Variants in SYN3 observed in about 807,000 individuals in gnomAD.
The protein encoded by SYN3 is synapsin III.
Under a neutral mutation model 65.8 loss-of-function variants are expected in SYN3, and 35 were observed. That is an observed-to-expected ratio of 0.53 (90% confidence interval 0.41 to 0.70). The LOEUF (loss-of-function observed/expected upper bound fraction) is 0.70, where lower values mean the gene tolerates loss of function less well. Among genes scored for constraint, SYN3 ranks in the 30% least tolerant of loss-of-function variants. The pLI, the probability that SYN3 is intolerant of heterozygous loss-of-function variation, is 0.00. For synonymous variants in SYN3, 270 were observed against 292.9 expected (o/e 0.92, Z 0.80); for missense variants, 680 against 749.0 (o/e 0.91, Z 1.08).
intron 7 of SYN3, among the ~76,000 whole-genome samples, chr22:32,569,553 CTCTCTCTCTCTCTCTCTCTA>C (rs59783662): frequency 0.18 from 14,917 of 84,566 alleles, 897 homozygotes; most frequent in East Asian, 0.49. Context: ...CTCTCTCTCT[CTCTCTCTCTCTCTCTCTCTA>C]TATATATATA....
At chr22:32,908,385 C>CTT (rs10719402) in intron 4 of SYN3, among the ~76,000 whole-genome samples, 9 of 116,616 alleles carry the variant, frequency 7.7e-5, no homozygotes, top group East Asian at 5.3e-4. Flanking sequence ...CACGCCTAGC[C>CTT]TTTTTTTTTT....
intron 6 of SYN3, among the ~76,000 whole-genome samples, chr22:32,735,258 A>G (rs1211525440): frequency 1.3e-5 from 2 of 152,156 alleles, no homozygotes; most frequent in Non-Finnish European, 2.9e-5. Flanking sequence ...TAAATAACTC[A>G]TCTTCTCTGT....
intron 6 of SYN3, chr22:32,858,275 T>A (rs966434025): frequency 3.2e-6 from 4 of 1,248,226 alleles, no homozygotes; most frequent in African/African-American, 3.0e-5. Context: ...GAGGGGCAGG[T>A]CTGAGCAGAT....
Position 33,045,459 on chromosome 22 carries a change from CTTT to C in SYN3, c.-163+12830_-163+12832del, listed in dbSNP as rs745442160. Among the ~76,000 whole-genome samples the C allele has an allele frequency of 1.7e-4, 14 of 84,718 alleles. No homozygotes were observed. The South Asian group carries it at 4.8e-3, about 29-fold the overall frequency. 55.6% of individuals were successfully genotyped at this position (84,718 alleles called of 152,430 possible). A position where few individuals can be genotyped will look rare whatever the true frequency, so the allele number is the denominator to read the frequency against. ...TTCATCAACCAGGTGGCTCTACTTT[CTTT>C]TTTTTTTTTTTTTTTTTTTTTTTGA... On this transcript the variant is annotated intron_variant, in intron 1 of 13. Coordinates refer to ENST00000358763, the MANE Select transcript of SYN3 (RefSeq NM_003490.4).
chr22:32,904,732 G>A (rs5998652), intron 4 of SYN3, among the ~76,000 whole-genome samples: 200 of 152,254 alleles, frequency 1.3e-3, no homozygotes, highest in African/African-American at 4.6e-3. Flanking sequence ...TCCACTCCAC[G>A]CAACACTTGG....
intron 6 of SYN3, among the ~76,000 whole-genome samples, chr22:32,680,190 C>G (rs2060504932): frequency 6.6e-6 from 1 of 152,116 alleles, no homozygotes; most frequent in South Asian, 2.1e-4. Context: ...TTGGATAAAT[C>G]TCTCATTCTA....
intron 3 of SYN3, among the ~76,000 whole-genome samples, chr22:32,965,596 AAG>A (rs1221239743): frequency 1.4e-5 from 2 of 146,134 alleles, no homozygotes; most frequent in Admixed American, 6.8e-5. Context: ...GTGTGTGCGT[AAG>A]AGAGAGAGAG....
intron 6 of SYN3, among the ~76,000 whole-genome samples, chr22:32,719,039 C>T (rs567621820): frequency 7.2e-5 from 11 of 152,214 alleles, no homozygotes; most frequent in Non-Finnish European, 1.6e-4. Flanking sequence ...TCAGCCTCAT[C>T]TTCCAAGGAC....
At chr22:32,692,291 GCCTGGT>G (rs2060675408) in intron 6 of SYN3, among the ~76,000 whole-genome samples, 1 of 151,898 alleles carries the variant, frequency 6.6e-6, no homozygotes, top group Non-Finnish European at 1.5e-5. Flanking sequence ...AACAACCACT[GCCTGGT>G]CCTGAGGATC....
At chr22:32,531,167 A>G (rs1268183121) in intron 10 of SYN3, among the ~76,000 whole-genome samples, 1 of 150,452 alleles carries the variant, frequency 6.6e-6, no homozygotes, top group Non-Finnish European at 1.5e-5. Context: ...AAAAAAAAAA[A>G]AAAAAAAAAA....
intron 1 of SYN3, among the ~76,000 whole-genome samples, chr22:33,008,060 C>T (rs1174465130): frequency 1.3e-5 from 2 of 152,134 alleles, no homozygotes; most frequent in Non-Finnish European, 2.9e-5. Flanking sequence ...TCTCAGCCTC[C>T]AAAGTAGCTG....
chr22:32,556,598 A>C (rs1268727532), intron 7 of SYN3, among the ~76,000 whole-genome samples: 1 of 152,132 alleles, frequency 6.6e-6, no homozygotes, highest in Non-Finnish European at 1.5e-5. Context: ...GAGTTTGGGA[A>C]CTGGAGCCCT....
chr22:32,924,698 T>C (rs2050422770), intron 4 of SYN3, among the ~76,000 whole-genome samples: 1 of 152,218 alleles, frequency 6.6e-6, no homozygotes, highest in Non-Finnish European at 1.5e-5. Flanking sequence ...ACTGCTATAT[T>C]CATTTTCTAG....
chr22:32,560,030 A>C (rs888596951), intron 7 of SYN3, among the ~76,000 whole-genome samples: 3 of 152,220 alleles, frequency 2.0e-5, no homozygotes, highest in Admixed American at 6.5e-5. Context: ...GAGCATGCGC[A>C]CAACTTCAGT....
chr22:32,726,986 T>TC (rs1167673507), intron 6 of SYN3, among the ~76,000 whole-genome samples: 1 of 143,650 alleles, frequency 7.0e-6, no homozygotes, highest in Non-Finnish European at 1.5e-5. Flanking sequence ...TTTTTTTTTT[T>TC]CCCCAACTGT....
At chr22:32,636,119 C>T (rs997467893) in intron 6 of SYN3, among the ~76,000 whole-genome samples, 4 of 152,190 alleles carry the variant, frequency 2.6e-5, no homozygotes, top group Admixed American at 6.5e-5. Flanking sequence ...ATCAGAACCA[C>T]GGCCGGGCGT....
chr22:32,972,914 T>C (rs1015680942), intron 3 of SYN3, among the ~76,000 whole-genome samples: 2 of 149,774 alleles, frequency 1.3e-5, no homozygotes, highest in Non-Finnish European at 3.0e-5. Flanking sequence ...GAGGCTGGAG[T>C]GGGAGGATCA....
intron 7 of SYN3, among the ~76,000 whole-genome samples, chr22:32,596,472 T>C (rs2059201602): frequency 6.6e-6 from 1 of 152,196 alleles, no homozygotes; most frequent in Non-Finnish European, 1.5e-5. Context: ...AAGGATGGAC[T>C]GAACTGGAGA....
intron 10 of SYN3, among the ~76,000 whole-genome samples, chr22:32,531,906 T>TA (rs1356725188): frequency 8.0e-5 from 1 of 12,552 alleles, no homozygotes; most frequent in Non-Finnish European, 2.2e-4. Context: ...CTACTTTTAC[T>TA]TTTTTTTTTT....
Sources: allele counts gnomAD v4.1 joint callset (sites outside exome capture counted in the v4.1 genomes callset), GRCh38; gene constraint gnomAD v4.1.1; transcripts MANE v1.5; gene names NCBI Gene and HGNC (gene_info 2026-07-23, HGNC 2026-07-21).